HECTD4: variants seen among roughly 807,000 people sequenced by gnomAD.
The protein encoded by HECTD4 is HECT domain E3 ubiquitin protein ligase 4, also known as probable E3 ubiquitin-protein ligase HECTD4.
In HECTD4, 114 loss-of-function variants were observed where a neutral mutation model predicts 471.5. The observed-to-expected ratio is 0.24, with a 90% CI of 0.21 to 0.28. HECTD4 has a LOEUF of 0.28. Among genes scored for constraint, HECTD4 ranks in the 10% least tolerant of loss-of-function variants. The pLI, the probability that HECTD4 is intolerant of heterozygous loss-of-function variation, is 1.00. For missense variants in HECTD4, 3,866 were observed against 5,651.5 expected (o/e 0.68, Z 10.13); for synonymous variants, 2,012 against 2,256.0 (o/e 0.89, Z 3.07).
rs60224303 is a variant in HECTD4, at chr12:112,173,702, A to AT, written c.11595-842dup. Among the ~76,000 whole-genome samples the AT allele has an allele frequency of 0.014, 2,122 of 148,302 alleles. 58 individuals are homozygous for AT. The highest frequency in any genetic ancestry group is 0.049 in the African/African-American group (1,987 of 40,356). ...AGCCAATGCGCCCGGCCAATTTTTA[A>AT]TTTTTTTTTGTAGAGATGGGGTCTC... On this transcript the variant is annotated intron_variant, in intron 66 of 75. Transcript: ENST00000682272. This position sits in a 1 kb window ranked among gnomAD's most constrained non-coding sequence, Gnocchi z 4.3.
intron 1 of HECTD4, among the ~76,000 whole-genome samples, chr12:112,355,484 G>A (rs1594070170): frequency 6.7e-6 from 1 of 148,610 alleles, no homozygotes; most frequent in South Asian, 2.1e-4. Context: ...TAAAGGCCAG[G>A]CACGGTGGCT....
At chr12:112,218,968 A>T (rs1399993068) in intron 45 of HECTD4, among the ~76,000 whole-genome samples, 1 of 152,186 alleles carries the variant, frequency 6.6e-6, no homozygotes, top group Non-Finnish European at 1.5e-5. Context: ...TTCCGGCCTC[A>T]TGTGATCTGC....
At chr12:112,230,564 GT>G in intron 40 of HECTD4, 122 bp downstream of exon 40, 1 of 1,192,432 alleles carries the variant, frequency 8.4e-7, no homozygotes, top group Non-Finnish European at 1.2e-6. Context: ...GGGAAAGTCA[GT>G]TAACAGGTAT....
chr12:112,240,124 G>A, intron 32 of HECTD4, 97 bp from the exon 33 acceptor site: 1 of 1,241,684 alleles, frequency 8.1e-7, no homozygotes, highest in Non-Finnish European at 1.1e-6. Flanking sequence ...GTATCTGGAT[G>A]AATCCAGAAC....
At chr12:112,231,413 G>A (rs886173845) in intron 39 of HECTD4, 100 bp downstream of exon 39, 1 of 1,155,036 alleles carries the variant, frequency 8.7e-7, no homozygotes, top group South Asian at 1.3e-5. Context: ...TCATTTCCAA[G>A]AGGTCAAGGG....
At position 112,306,104 on chromosome 12, in the gene HECTD4, G is replaced by T; in HGVS notation, c.1295C>A (p.Pro432Gln). The change falls in exon 7 of 76, where the codon CCG (proline) becomes CAG (glutamine). Residue 432 changes from proline to glutamine, a missense_variant. Physicochemically the swap from Pro to Gln is moderately conservative, Grantham distance 76 (BLOSUM62 -1). This residue lies in a region of HECTD4 where 440 missense variants were observed against 636.0 expected (regional missense o/e 0.69). Transcript: ENST00000682272. ...GTCCATGAAGACAGAATGTCCCTTC[G>T]GTGTTTTCTCATTCAGGCTGGCAGG... The part of the protein sequence containing the change: ...WSPASLNEKT[P>Q]KGHSVFMDIF... The T allele has an allele frequency of 6.2e-7, 1 of 1,612,384 alleles. No homozygotes were observed. Among genetic ancestry groups the T allele is most frequent in the Non-Finnish European group, 8.5e-7 (1 of 1,179,444 alleles).
intron 53 of HECTD4, 21 bp downstream of exon 53, chr12:112,204,465 G>A (rs747612195): frequency 7.5e-6 from 12 of 1,603,642 alleles, no homozygotes; most frequent in African/African-American, 5.4e-5. Flanking sequence ...TTCATAGGTC[G>A]AGTAAGGAGG....
intron 18 of HECTD4, 121 bp downstream of exon 18, chr12:112,261,184 A>T: frequency 9.0e-7 from 1 of 1,114,422 alleles, no homozygotes. Context: ...CTTTTAGCCT[A>T]TTCTCACAAA....
At position 112,194,925 on chromosome 12, in the gene HECTD4, C is replaced by T; in HGVS notation, c.8709G>A (p.Leu2903=). 1 of 1,609,202 alleles carries T rather than the reference C, an allele frequency of 6.2e-7. No individual in the cohort carries two copies. Among genetic ancestry groups the T allele is most frequent in the Non-Finnish European group, 8.5e-7 (1 of 1,177,880 alleles). ...CGAGGAGCTGATTGGACAGCAGTTG[C>T]AGGTGCTCCAGGGTAATGTCCCGGA... is the stretch of plus-strand genomic sequence containing the variant. The part of the protein sequence containing the change: ...PAIRDITLEH[L]QLLSNQLLAP... Residue 2903 remains leucine, a synonymous_variant, in exon 56 of 76, where the codon CTG becomes CTA. Coordinates refer to ENST00000682272, the MANE Select transcript of HECTD4 (RefSeq NM_001388303.1). The surrounding 1 kb of genome is among the most constrained non-coding windows in gnomAD (Gnocchi z 4.6).
intron 44 of HECTD4, among the ~76,000 whole-genome samples, chr12:112,221,376 G>A (rs2135555331): frequency 6.6e-6 from 1 of 152,190 alleles, no homozygotes; most frequent in Non-Finnish European, 1.5e-5. Context: ...AGCCTCCCGA[G>A]TAGCTGGGAC....
chr12:112,279,146 G>A (rs572439967), intron 9 of HECTD4, 82 bp downstream of exon 9: 1 of 1,251,936 alleles, frequency 8.0e-7, no homozygotes, highest in South Asian at 1.4e-5. Context: ...AACAAAGTAA[G>A]TTTTAAATAA....
At chr12:112,171,994 C>T (rs954377227) in intron 67 of HECTD4, among the ~76,000 whole-genome samples, 2 of 152,200 alleles carry the variant, frequency 1.3e-5, no homozygotes, top group African/African-American at 4.8e-5. Flanking sequence ...ACCTCCACCT[C>T]CCGGGTTCAA....
At chr12:112,186,973 T>C (rs2031889206) in intron 60 of HECTD4, among the ~76,000 whole-genome samples, 1 of 151,340 alleles carries the variant, frequency 6.6e-6, no homozygotes. Flanking sequence ...TGGCCAAGGC[T>C]GGCATATTCT....
intron 7 of HECTD4, chr12:112,302,700 T>A: frequency 2.2e-6 from 1 of 453,578 alleles, no homozygotes; most frequent in Non-Finnish European, 3.9e-6. Context: ...TTAGCTGTTT[T>A]TTAACTTTTT....
intron 55 of HECTD4, among the ~76,000 whole-genome samples, chr12:112,197,294 CCT>C (rs1457582375): frequency 1.3e-5 from 2 of 152,114 alleles, no homozygotes; most frequent in African/African-American, 4.8e-5. Flanking sequence ...GCTGCTCTAG[CCT>C]CTGTTTTCCA....
At position 112,319,259 on chromosome 12, in the gene HECTD4, C is replaced by A. The variant is rs762931025; in HGVS notation, c.661G>T (p.Ala221Ser). 3.6e-5 allele frequency: 55 copies of A among 1,536,042 alleles called. No individual in the cohort carries two copies. Among genetic ancestry groups the A allele is most frequent in the Non-Finnish European group, 4.7e-5 (54 of 1,146,908 alleles). ...RHIPHKQKEN[A>S]AAALVALACA... ...GCCAAAGCCACCAGGGCAGCAGCAG[C>A]ATTTTCTTTTTGCTTATGTGGGATG... The change falls in exon 2 of 76, where the codon GCT (alanine) becomes TCT (serine). Residue 221 changes from alanine to serine, a missense_variant. By Grantham distance (99) the Ala-to-Ser change is moderately conservative. Transcript: ENST00000682272. The surrounding 1 kb of genome is among the most constrained non-coding windows in gnomAD (Gnocchi z 5.3).
At chr12:112,310,947 T>C (rs1234513398) in intron 4 of HECTD4, among the ~76,000 whole-genome samples, 1 of 152,168 alleles carries the variant, frequency 6.6e-6, no homozygotes, top group Non-Finnish European at 1.5e-5. Flanking sequence ...ATCAGTCAAA[T>C]GTGGAATGTT....
rs753421093 is a variant in HECTD4 at position 112,273,821 on chromosome 12, G to A, written c.1802-26C>T. ...CTGCAAAAAGAGCATACTGTATTCA[G>A]TCACCATGCCACCAGCTACCTGTAT... On this transcript the variant is annotated intron_variant, in intron 10 of 75. Transcript: ENST00000682272. 5 of 1,610,284 alleles carry A rather than the reference G, an allele frequency of 3.1e-6. No individual in the cohort carries two copies. The East Asian group carries it at 1.1e-4, about 36-fold the overall frequency.
intron 49 of HECTD4, 127 bp downstream of exon 49, chr12:112,212,360 T>C (rs1158159882): frequency 1.2e-5 from 9 of 746,206 alleles, no homozygotes; most frequent in Non-Finnish European, 2.0e-5. Context: ...GGCTCTGCCC[T>C]TCCTCTGCCA....
Sources: gnomAD v4.1 joint callset for allele counts (sites outside exome capture counted in the v4.1 genomes callset) on GRCh38, gnomAD v4.1.1 for gene constraint, gnomAD v4.1.1 regional missense constraint, Gnocchi (gnomAD v3.1) non-coding constraint, MANE v1.5 for transcripts, NCBI Gene and HGNC (gene_info 2026-07-23, HGNC 2026-07-21) for gene names.